Variants in STX11 observed in about 807,000 individuals in gnomAD.
The protein encoded by STX11 is syntaxin 11.
In STX11, 21 loss-of-function variants were observed where a neutral mutation model predicts 19.9. The observed-to-expected ratio is 1.06, with a 90% CI of 0.75 to 1.52. The LOEUF (loss-of-function observed/expected upper bound fraction) is 1.52, where lower values mean the gene tolerates loss of function less well. Ranked by LOEUF, STX11 falls within the 40% of genes most tolerant of loss-of-function variation. The pLI, the probability that STX11 is intolerant of heterozygous loss-of-function variation, is 0.00. For missense variants in STX11, 438 were observed against 405.9 expected (o/e 1.08, Z -0.68); for synonymous variants, 193 against 174.4 (o/e 1.11, Z -0.84).
chr6:144,177,875 AT>A lies in STX11; in HGVS notation c.-5-8740del, dbSNP rs1239068966. On this transcript the variant is annotated intron_variant, in intron 1 of 1. Coordinates refer to ENST00000367568, the MANE Select transcript of STX11 (RefSeq NM_003764.4). This position sits in a 1 kb window ranked among gnomAD's most constrained non-coding sequence, Gnocchi z 4.4. ...TTTCAGAGAGTTAATAATTTTATGGATTTTTTTTAAAGTTGTGGTGACTTAC... is the reference window on the plus strand; with the variant it reads ...TTTCAGAGAGTTAATAATTTTATGGATTTTTTTAAAGTTGTGGTGACTTAC... 6.6e-6 allele frequency among the ~76,000 whole-genome samples: 1 copy of A among 152,040 alleles called. No individual in the cohort carries two copies. The highest frequency in any genetic ancestry group is 1.5e-5 in the Non-Finnish European group (1 of 68,006).
rs7764017 is a variant in STX11, at chr6:144,172,002, A to G, written c.-5-14621A>G. 0.56 allele frequency among the ~76,000 whole-genome samples: 84,720 copies of G among 152,074 alleles called. 26,753 individuals are homozygous for G. Among genetic ancestry groups the G allele is most frequent in the African/African-American group, 0.87 (36,052 of 41,492 alleles). On this transcript the variant is annotated intron_variant, in intron 1 of 1. Transcript: ENST00000367568. This position sits in a 1 kb window ranked among gnomAD's most constrained non-coding sequence, Gnocchi z 4.2. ...CTTATGTTTGTGTTTTAAAATCATAACAATAAACTTTTGTTTTAAATGCAC... is the reference window on the plus strand; with the variant it reads ...CTTATGTTTGTGTTTTAAAATCATAGCAATAAACTTTTGTTTTAAATGCAC...
rs1002776247 is a variant in STX11, at chr6:144,190,622, G to C, written c.*3131G>C. 1.3e-5 allele frequency among the ~76,000 whole-genome samples: 2 copies of C among 151,300 alleles called. No individual in the cohort carries two copies. The highest frequency in any genetic ancestry group is 2.4e-5 in the African/African-American group (1 of 41,104). ...ACAGTCATAAAGATGTTTTCACTAT[G>C]GCATTTCTATCCCTGTGTATATCCA... On this transcript the variant is annotated 3_prime_UTR_variant, in exon 2 of 2. Coordinates refer to ENST00000367568, the MANE Select transcript of STX11 (RefSeq NM_003764.4).
intron 1 of STX11, among the ~76,000 whole-genome samples, chr6:144,161,721 A>G (rs1584024699): frequency 6.6e-6 from 1 of 152,110 alleles, no homozygotes; most frequent in East Asian, 1.9e-4. Context: ...AGTGCTATGG[A>G]TAGTTTGTAT....
the STX11 span, among the ~76,000 whole-genome samples, chr6:144,142,116 C>T: frequency 6.6e-6 from 1 of 151,438 alleles, no homozygotes; most frequent in Non-Finnish European, 1.5e-5. Context: ...CTATAGGGTT[C>T]AGTCTATTCC....
the STX11 span, among the ~76,000 whole-genome samples, chr6:144,142,572 T>A: frequency 3.2e-4 from 48 of 152,334 alleles, no homozygotes; most frequent in African/African-American, 1.1e-3. Flanking sequence ...CACAATGGAA[T>A]ACTATTCCGC....
Position 144,177,616 on chromosome 6 carries a change from G to A in STX11, c.-5-9007G>A, listed in dbSNP as rs573755054. Among the ~76,000 whole-genome samples, 80 of 152,250 alleles carry A rather than the reference G, an allele frequency of 5.3e-4. No homozygotes were observed. The highest frequency in any genetic ancestry group is 8.7e-4 in the Non-Finnish European group (59 of 68,004). On this transcript the variant is annotated intron_variant, in intron 1 of 1. Coordinates refer to ENST00000367568, the MANE Select transcript of STX11 (RefSeq NM_003764.4). The surrounding 1 kb of genome is among the most constrained non-coding windows in gnomAD (Gnocchi z 4.4). ...ACACAAAAAATTAGCCGGGTGTGGT[G>A]GTGCACACCTGTAATCCCAGCTACT...
In STX11 at chr6:144,189,466, C is replaced by T. The variant is rs1257540242; in HGVS notation, c.*1975C>T. 6.6e-6 allele frequency among the ~76,000 whole-genome samples: 1 copy of T among 152,208 alleles called. No homozygotes were observed. The highest frequency in any genetic ancestry group is 2.4e-5 in the African/African-American group (1 of 41,454). The stretch of plus-strand genomic sequence containing the variant: ...ACAATACTTTAGCAAAATCATGAGG[C>T]TTTAGAGATATGGTGTAGTCTGCAA... On this transcript the variant is annotated 3_prime_UTR_variant, in exon 2 of 2. Transcript: ENST00000367568.
In STX11 at chr6:144,160,861, G is replaced by C. The variant is rs755639454; in HGVS notation, c.-6+10158G>C. 6.9e-6 allele frequency among the ~76,000 whole-genome samples: 1 copy of C among 143,904 alleles called. No homozygotes were observed. The allele number at this position is 143,904 out of a possible 152,430, so 94.4% of individuals were successfully genotyped here. A position where few individuals can be genotyped will look rare whatever the true frequency, so the allele number is the denominator to read the frequency against. ...TGACTTCAAGTGAATGGATGTGTGAGGTCCTGTGATGACGACCATTTGCCA... is the reference window on the plus strand; with the variant it reads ...TGACTTCAAGTGAATGGATGTGTGACGTCCTGTGATGACGACCATTTGCCA... On this transcript the variant is annotated intron_variant, in intron 1 of 1. Transcript: ENST00000367568. This position sits in a 1 kb window ranked among gnomAD's most constrained non-coding sequence, Gnocchi z 4.3.
In STX11 at chr6:144,160,475, G is replaced by A. The variant is rs1264957460; in HGVS notation, c.-6+9772G>A. 1.3e-5 allele frequency among the ~76,000 whole-genome samples: 2 copies of A among 152,104 alleles called. No homozygotes were observed. Among genetic ancestry groups the A allele is most frequent in the Non-Finnish European group, 2.9e-5 (2 of 68,022 alleles). On this transcript the variant is annotated intron_variant, in intron 1 of 1. Coordinates refer to ENST00000367568, the MANE Select transcript of STX11 (RefSeq NM_003764.4). The surrounding 1 kb of genome is among the most constrained non-coding windows in gnomAD (Gnocchi z 4.3). ...AAAGGACCTTAAGTTTAATATATAA[G>A]TTAACAGGCAAATCTTGGGTTGAAA...
chr6:144,164,599 C>A (rs1801429658), intron 1 of STX11, among the ~76,000 whole-genome samples: 1 of 152,194 alleles, frequency 6.6e-6, no homozygotes, highest in Admixed American at 6.5e-5. Flanking sequence ...TAGAAGCTCA[C>A]ATATGAGGGA....
In STX11 at chr6:144,172,347, G is replaced by A. The variant is rs1235899797; in HGVS notation, c.-5-14276G>A. On this transcript the variant is annotated intron_variant, in intron 1 of 1. Transcript: ENST00000367568. The surrounding 1 kb of genome is among the most constrained non-coding windows in gnomAD (Gnocchi z 4.2). ...CAGCTGGGGGCTGGCCTAGCTCTCC[G>A]TGCGGTCTTCACCCTCCAGGAGGCT... is the stretch of plus-strand genomic sequence containing the variant. Among the ~76,000 whole-genome samples, 4 of 152,132 alleles carry A rather than the reference G, an allele frequency of 2.6e-5. No homozygotes were observed. The highest frequency in any genetic ancestry group is 4.4e-5 in the Non-Finnish European group (3 of 68,030).
chr6:144,150,591 CGGAGCCGCCGGGAGT>C lies in STX11; in HGVS notation c.-117_-103del. Reference sequence around the variant, plus strand: ...CCTCGGCCGCAGGAGGCGCCGGGAGCGGAGCCGCCGGGAGTCGCGCAACAGGTTTCCTTCTCCATC... The same window carrying C: ...CCTCGGCCGCAGGAGGCGCCGGGAGCCGCGCAACAGGTTTCCTTCTCCATC... On this transcript the variant is annotated 5_prime_UTR_variant, in exon 1 of 2. Transcript: ENST00000367568. The C allele has an allele frequency of 1.0e-6, 1 of 985,388 alleles. No individual in the cohort carries two copies. The highest frequency in any genetic ancestry group is 1.2e-6 in the Non-Finnish European group (1 of 829,930). 61.0% of individuals were successfully genotyped at this position (985,388 alleles called of 1,614,324 possible).
rs397795966 is a variant in STX11 at position 144,191,534 on chromosome 6, TA to T, written c.*4054del. ...AAACTACTGAAGATTGTGTACAGCT[TA>T]AAAAAAAAAATAGGGTAACTATAGT... is the stretch of plus-strand genomic sequence containing the variant. On this transcript the variant is annotated 3_prime_UTR_variant, in exon 2 of 2. Transcript: ENST00000367568. 2.2e-4 allele frequency among the ~76,000 whole-genome samples: 33 copies of T among 148,052 alleles called. No individual in the cohort carries two copies. The highest frequency in any genetic ancestry group is 6.7e-4 in the African/African-American group (27 of 40,378).
rs184520376 is a variant in STX11, at chr6:144,184,681, C to T, written c.-5-1942C>T. 2.6e-3 allele frequency among the ~76,000 whole-genome samples: 401 copies of T among 152,244 alleles called. 2 individuals carry two copies. Among genetic ancestry groups the T allele is most frequent in the African/African-American group, 9.3e-3 (386 of 41,526 alleles). On this transcript the variant is annotated intron_variant, in intron 1 of 1. Transcript: ENST00000367568. This position sits in a 1 kb window ranked among gnomAD's most constrained non-coding sequence, Gnocchi z 6.5. ...CTTGATCTCCCTATGCTCACACCAA[C>T]TCTGATAATGGCAGTACCTACTCAT... is the stretch of plus-strand genomic sequence containing the variant.
intron 1 of STX11, among the ~76,000 whole-genome samples, chr6:144,171,368 G>C (rs562953126): frequency 6.6e-6 from 1 of 152,302 alleles, no homozygotes; most frequent in South Asian, 2.1e-4. Context: ...ATGGCATCAG[G>C]AAACTTCTCT....
At chr6:144,171,131 A>G (rs894653093) in intron 1 of STX11, among the ~76,000 whole-genome samples, 4 of 152,204 alleles carry the variant, frequency 2.6e-5, no homozygotes, top group South Asian at 2.1e-4. Flanking sequence ...CAGTAGCGGG[A>G]GAGCTGAGAT....
rs999645365 is a variant in STX11, at chr6:144,160,690, G to A, written c.-6+9987G>A. 2.0e-5 allele frequency among the ~76,000 whole-genome samples: 3 copies of A among 152,168 alleles called. No individual in the cohort carries two copies. The highest frequency in any genetic ancestry group is 7.2e-5 in the African/African-American group (3 of 41,424). ...CACCATAAAGCAGCACTTACTAGAT[G>A]TAGGTGGAGTTATGTAATCCTCTGC... On this transcript the variant is annotated intron_variant, in intron 1 of 1. Transcript: ENST00000367568. This position sits in a 1 kb window ranked among gnomAD's most constrained non-coding sequence, Gnocchi z 4.3.
In STX11 at chr6:144,184,140, A is replaced by G. The variant is rs923617126; in HGVS notation, c.-5-2483A>G. 5.9e-5 allele frequency among the ~76,000 whole-genome samples: 9 copies of G among 152,190 alleles called. No homozygotes were observed. The highest frequency in any genetic ancestry group is 1.9e-4 in the African/African-American group (8 of 41,436). On this transcript the variant is annotated intron_variant, in intron 1 of 1. Coordinates refer to ENST00000367568, the MANE Select transcript of STX11 (RefSeq NM_003764.4). The surrounding 1 kb of genome is among the most constrained non-coding windows in gnomAD (Gnocchi z 6.5). ...TGGTTCCGTGTCTTTGCTATTGTGA[A>G]TAGGGCTGCAGTGAACATTGACATG...
intron 1 of STX11, among the ~76,000 whole-genome samples, chr6:144,181,659 G>A (rs369834541): frequency 1.9e-4 from 28 of 147,284 alleles, no homozygotes; most frequent in African/African-American, 6.7e-4. Flanking sequence ...ACAAATTTGA[G>A]TATGCATTAT....
Sources: allele counts gnomAD v4.1 joint callset (sites outside exome capture counted in the v4.1 genomes callset), GRCh38; gene constraint gnomAD v4.1.1; non-coding constraint Gnocchi (gnomAD v3.1); transcripts MANE v1.5; gene names NCBI Gene and HGNC (gene_info 2026-07-23, HGNC 2026-07-21).